PITPNC1: variants seen among roughly 807,000 people sequenced by gnomAD.
The protein encoded by PITPNC1 is phosphatidylinositol transfer protein cytoplasmic 1, also known as cytoplasmic phosphatidylinositol transfer protein 1.
A neutral mutation model predicts 44.7 loss-of-function variants in PITPNC1; 18 were observed. The observed-to-expected ratio is 0.40, with a 90% CI of 0.28 to 0.60. The LOEUF (loss-of-function observed/expected upper bound fraction) is 0.60, where lower values mean the gene tolerates loss of function less well. Among genes scored for constraint, PITPNC1 ranks in the 20% least tolerant of loss-of-function variants. The pLI is 0.39. For missense variants in PITPNC1, 290 were observed against 418.4 expected (o/e 0.69, Z 2.68); for synonymous variants, 141 against 149.6 (o/e 0.94, Z 0.42).
chr17:67,585,592 CA>C (rs1388107590), intron 5 of PITPNC1, among the ~76,000 whole-genome samples: 1 of 152,050 alleles, frequency 6.6e-6, no homozygotes, highest in African/African-American at 2.4e-5. Context: ...CGCTTAAGCT[CA>C]AGAGTTCAAG....
chr17:67,610,847 A>AG (rs1432483725), intron 5 of PITPNC1, among the ~76,000 whole-genome samples: 5 of 145,824 alleles, frequency 3.4e-5, no homozygotes, highest in Non-Finnish European at 7.5e-5. Flanking sequence ...TTTGAACCCG[A>AG]GGGGCGGAGG....
At chr17:67,553,860 T>C (rs1238894765) in intron 4 of PITPNC1, among the ~76,000 whole-genome samples, 1 of 152,234 alleles carries the variant, frequency 6.6e-6, no homozygotes, top group Admixed American at 6.5e-5. Context: ...TAATCAGCCT[T>C]TGCTTGTAAT....
At chr17:67,576,279 C>G (rs1211811814) in intron 4 of PITPNC1, among the ~76,000 whole-genome samples, 1 of 152,126 alleles carries the variant, frequency 6.6e-6, no homozygotes, top group African/African-American at 2.4e-5. Flanking sequence ...TGAGACCTGG[C>G]CACCTGGCTG....
intron 1 of PITPNC1, among the ~76,000 whole-genome samples, chr17:67,482,422 C>T (rs967890995): frequency 1.4e-4 from 22 of 152,030 alleles, no homozygotes; most frequent in African/African-American, 5.3e-4. Flanking sequence ...TAACACATTA[C>T]CTCCTTCACA....
At chr17:67,627,786 C>A (rs183313876) in intron 5 of PITPNC1, among the ~76,000 whole-genome samples, 1 of 152,104 alleles carries the variant, frequency 6.6e-6, no homozygotes, top group Non-Finnish European at 1.5e-5. Flanking sequence ...TTTGAGCAAG[C>A]CTCTTTACTT....
intron 6 of PITPNC1, among the ~76,000 whole-genome samples, chr17:67,664,646 G>A (rs972612998): frequency 6.6e-6 from 1 of 152,202 alleles, no homozygotes; most frequent in African/African-American, 2.4e-5. Context: ...GCTTACGCCT[G>A]TAATGCCAGC....
chr17:67,513,399 C>CTATATCTATATCTA (rs1555660360), intron 1 of PITPNC1, among the ~76,000 whole-genome samples: 6 of 144,020 alleles, frequency 4.2e-5, no homozygotes, highest in African/African-American at 1.5e-4. Context: ...ATATCTATAT[C>CTATATCTATATCTA]TATATCTACA....
At chr17:67,498,007 T>C (rs548948439) in intron 1 of PITPNC1, among the ~76,000 whole-genome samples, 5 of 152,028 alleles carry the variant, frequency 3.3e-5, no homozygotes, top group East Asian at 1.9e-4. Context: ...ACCACAGGCA[T>C]GCGCCACCAG....
chr17:67,692,774 C>T lies in PITPNC1; in HGVS notation c.885C>T (p.Pro295=). 6.2e-7 allele frequency: 1 copy of T among 1,613,782 alleles called. No homozygotes were observed. The highest frequency in any genetic ancestry group is 8.5e-7 in the Non-Finnish European group (1 of 1,179,774). The part of the protein sequence containing the change: ...PEFLSVPKDR[P]RKKSAPETLT... ...TTCTGTCCGTTCCCAAAGATCGGCC[C>T]CGGAAAAAGTCTGCCCCAGAAACTC... The change falls in exon 9 of 9, where the codon CCC becomes CCT. Residue 295 remains proline, a synonymous_variant. Transcript: ENST00000581322.
intron 6 of PITPNC1, among the ~76,000 whole-genome samples, chr17:67,633,297 G>A (rs1412418790): frequency 3.9e-5 from 6 of 152,212 alleles, no homozygotes; most frequent in Admixed American, 3.3e-4. Flanking sequence ...CATCAAGGCT[G>A]ATGGGAGACA....
chr17:67,394,578 C>T (rs1488935799), intron 1 of PITPNC1, among the ~76,000 whole-genome samples: 1 of 152,102 alleles, frequency 6.6e-6, no homozygotes, highest in Non-Finnish European at 1.5e-5. Flanking sequence ...TATTTGTAGA[C>T]ATCACTAGGA....
At chr17:67,426,082 T>C (rs930407728) in intron 1 of PITPNC1, among the ~76,000 whole-genome samples, 5 of 152,186 alleles carry the variant, frequency 3.3e-5, no homozygotes, top group Admixed American at 1.3e-4. Context: ...AATCATACTT[T>C]GGAGTAAGAA....
At chr17:67,512,814 T>G (rs908967635) in intron 1 of PITPNC1, among the ~76,000 whole-genome samples, 3 of 152,020 alleles carry the variant, frequency 2.0e-5, no homozygotes, top group African/African-American at 7.2e-5. Flanking sequence ...CTAGGTGCCA[T>G]GAGAATACAA....
chr17:67,418,562 T>G (rs1283695780), intron 1 of PITPNC1, among the ~76,000 whole-genome samples: 2 of 152,044 alleles, frequency 1.3e-5, no homozygotes, highest in Non-Finnish European at 2.9e-5. Flanking sequence ...TAGGAATTTT[T>G]TTTTTTCTTT....
At chr17:67,675,258 CAAAG>C (rs1431658509) in intron 7 of PITPNC1, among the ~76,000 whole-genome samples, 2 of 152,052 alleles carry the variant, frequency 1.3e-5, no homozygotes, top group Non-Finnish European at 2.9e-5. Context: ...TCAAATAAGA[CAAAG>C]AGATGAATAT....
chr17:67,386,738 TG>T (rs1301019302), intron 1 of PITPNC1, among the ~76,000 whole-genome samples: 1 of 152,210 alleles, frequency 6.6e-6, no homozygotes, highest in African/African-American at 2.4e-5. Context: ...GTGTGGGCTT[TG>T]GCCTGTTTTC....
rs78239128 is a variant in PITPNC1 at position 67,608,997 on chromosome 17, G to A, written c.367-23146G>A. ...AGAATATCCTTTCCCCAACATGCAT[G>A]GCTTCCCTGTGATTTTATTTATTTA... On this transcript the variant is annotated intron_variant, in intron 5 of 8. Transcript: ENST00000581322. Among the ~76,000 whole-genome samples the A allele has an allele frequency of 9.8e-3, 1,486 of 151,578 alleles. 33 individuals are homozygous for A. Among genetic ancestry groups the A allele is most frequent in the African/African-American group, 0.034 (1,392 of 41,368 alleles).
At chr17:67,476,978 C>T (rs924360737) in intron 1 of PITPNC1, among the ~76,000 whole-genome samples, 9 of 152,224 alleles carry the variant, frequency 5.9e-5, no homozygotes, top group African/African-American at 2.2e-4. Context: ...TGCATTGCAA[C>T]AAGGTTCTCA....
chr17:67,557,221 C>G (rs2040850128), intron 4 of PITPNC1, among the ~76,000 whole-genome samples: 1 of 152,180 alleles, frequency 6.6e-6, no homozygotes, highest in African/African-American at 2.4e-5. Context: ...GTTCTCTGGT[C>G]TCATCTTTGA....
Sources: gnomAD v4.1 joint callset for allele counts (sites outside exome capture counted in the v4.1 genomes callset) on GRCh38, gnomAD v4.1.1 for gene constraint, MANE v1.5 for transcripts, NCBI Gene and HGNC (gene_info 2026-07-23, HGNC 2026-07-21) for gene names.